Variants in AFAP1 observed in about 807,000 individuals in gnomAD.
The protein encoded by AFAP1 is actin filament associated protein 1, also known as actin filament-associated protein 1.
A neutral mutation model predicts 93.9 loss-of-function variants in AFAP1; 75 were observed. That is an observed-to-expected ratio of 0.80 (90% CI 0.66 to 0.97). The LOEUF (loss-of-function observed/expected upper bound fraction) is 0.97, where lower values mean the gene tolerates loss of function less well. AFAP1 is among the 50% of genes least tolerant of loss of function. The pLI, the probability that AFAP1 is intolerant of heterozygous loss-of-function variation, is 0.00. For synonymous variants in AFAP1, 517 were observed against 430.7 expected, an observed-to-expected ratio of 1.20 and a Z score of -2.48; for missense variants, 1,201 against 1,050.8, an observed-to-expected ratio of 1.14 and a Z score of -1.98.
At chr4:7,857,868 G>A (rs774523421) in intron 3 of AFAP1, among the ~76,000 whole-genome samples, 2 of 149,458 alleles carry the variant, frequency 1.3e-5, no homozygotes, top group Non-Finnish European at 2.9e-5. Context: ...CTGAATCGAT[G>A]GGGTTCTGAG....
intron 8 of AFAP1, among the ~76,000 whole-genome samples, chr4:7,815,680 G>C (rs187784907): frequency 1.3e-5 from 2 of 152,226 alleles, no homozygotes; most frequent in South Asian, 4.2e-4. Flanking sequence ...GCAACATGCC[G>C]GCTGCTCACC....
At chr4:7,916,264 C>T (rs1577357007) in intron 1 of AFAP1, among the ~76,000 whole-genome samples, 1 of 152,232 alleles carries the variant, frequency 6.6e-6, no homozygotes, top group South Asian at 2.1e-4. Flanking sequence ...ACAGGAGACA[C>T]ATACCCAAAT....
At position 7,912,770 on chromosome 4, in the gene AFAP1, C is replaced by T. The variant is rs6848677; in HGVS notation, c.-3+26886G>A. Among the ~76,000 whole-genome samples, 895 of 152,180 alleles carry T rather than the reference C, an allele frequency of 5.9e-3. 6 individuals are homozygous for T. The highest frequency in any genetic ancestry group is 0.019 in the African/African-American group (789 of 41,502). On this transcript the variant is annotated intron_variant, in intron 1 of 17. Coordinates refer to ENST00000420658, the MANE Select transcript of AFAP1 (RefSeq NM_001134647.2). Reference sequence around the variant, plus strand: ...TTGCATTTTACATTTTAGTCCATGACCCATTTTGAGTTAATTTTTGTATGA... The same window carrying T: ...TTGCATTTTACATTTTAGTCCATGATCCATTTTGAGTTAATTTTTGTATGA...
At chr4:7,790,070 C>T (rs1420090121) in intron 11 of AFAP1, among the ~76,000 whole-genome samples, 3 of 152,168 alleles carry the variant, frequency 2.0e-5, no homozygotes, top group Non-Finnish European at 4.4e-5. Context: ...GTACAATGCA[C>T]AAAGAATTCT....
chr4:7,924,462 T>C lies in AFAP1; in HGVS notation c.-3+15194A>G, dbSNP rs76101512. ...TCCCTAACGATGGACAGACAGGCAA[T>C]GGCGCCTAGGTACTATTGTTGAAGA... On this transcript the variant is annotated intron_variant, in intron 1 of 17. Coordinates refer to ENST00000420658, the MANE Select transcript of AFAP1 (RefSeq NM_001134647.2). Among the ~76,000 whole-genome samples the C allele has an allele frequency of 4.1e-4, 63 of 152,296 alleles. 1 individual carries two copies. In the East Asian group the frequency reaches 0.011, roughly 27 times the overall value.
intron 1 of AFAP1, among the ~76,000 whole-genome samples, chr4:7,898,677 T>A (rs1405248515): frequency 6.8e-6 from 1 of 147,272 alleles, no homozygotes; most frequent in African/African-American, 2.5e-5. Flanking sequence ...AAAAAAACAC[T>A]CTCTCCCTTT....
intron 1 of AFAP1, among the ~76,000 whole-genome samples, chr4:7,902,105 C>T (rs1719147022): frequency 6.6e-6 from 1 of 152,184 alleles, no homozygotes; most frequent in Non-Finnish European, 1.5e-5. Flanking sequence ...TGATTTCTAA[C>T]CAGTCAACAA....
At chr4:7,763,933 G>A (rs926169793) in intron 17 of AFAP1, 142 bp from the exon 18 acceptor site, 58 of 764,714 alleles carry the variant, frequency 7.6e-5, no homozygotes, top group East Asian at 2.4e-4. Flanking sequence ...CCAATGACCC[G>A]GCAATTCCAC....
At chr4:7,873,461 G>C (rs1050139115) in intron 1 of AFAP1, among the ~76,000 whole-genome samples, 1 of 133,056 alleles carries the variant, frequency 7.5e-6, no homozygotes, top group Non-Finnish European at 1.5e-5. Flanking sequence ...CCATTCTCCT[G>C]CCTCAGCCTC....
intron 1 of AFAP1, among the ~76,000 whole-genome samples, chr4:7,926,377 A>G (rs967163174): frequency 1.6e-4 from 24 of 152,318 alleles, no homozygotes; most frequent in African/African-American, 5.1e-4. Context: ...GGTACCTATG[A>G]GTCAAAATGA....
At chr4:7,779,461 T>C (rs986814724) in intron 13 of AFAP1, among the ~76,000 whole-genome samples, 7 of 152,170 alleles carry the variant, frequency 4.6e-5, no homozygotes, top group African/African-American at 1.7e-4. Flanking sequence ...AAAAGTGAAA[T>C]AGTACTCTAC....
chr4:7,794,897 T>C (rs1718246546), intron 10 of AFAP1, among the ~76,000 whole-genome samples: 1 of 152,202 alleles, frequency 6.6e-6, no homozygotes, highest in South Asian at 2.1e-4. Context: ...TTTAAAAATT[T>C]TGATTAATCA....
chr4:7,819,031 C>A, intron 7 of AFAP1, 45 bp downstream of exon 7: 1 of 1,482,312 alleles, frequency 6.7e-7, no homozygotes, highest in South Asian at 1.3e-5. Context: ...GACCCCAATC[C>A]ACTGCAAGGT....
intron 6 of AFAP1, among the ~76,000 whole-genome samples, chr4:7,827,337 T>C (rs1721513633): frequency 6.6e-6 from 1 of 151,940 alleles, no homozygotes; most frequent in Non-Finnish European, 1.5e-5. Flanking sequence ...TTTGGGAGGC[T>C]GAGGCAGGCG....
rs564143482 is a variant in AFAP1, at chr4:7,843,301, C to G, written c.384G>C (p.Glu128Asp). 11 of 1,614,008 alleles carry G rather than the reference C, an allele frequency of 6.8e-6. No homozygotes were observed. In the East Asian group the frequency reaches 2.0e-4, roughly 29 times the overall value. ...MSSSYESYDE[E>D]EEDGKGKKTR... Reference sequence around the variant, plus strand: ...TTTTCTTCCCCTTCCCATCCTCCTCCTCTTCATCATACGACTCATAAGAGC... The same window carrying G: ...TTTTCTTCCCCTTCCCATCCTCCTCGTCTTCATCATACGACTCATAAGAGC... The change falls in exon 5 of 18, where the codon GAG becomes GAC. Residue 128 changes from glutamate to aspartate, a missense_variant. Physicochemically the swap from Glu to Asp is conservative, Grantham distance 45. Coordinates refer to ENST00000420658, the MANE Select transcript of AFAP1 (RefSeq NM_001134647.2).
intron 6 of AFAP1, among the ~76,000 whole-genome samples, chr4:7,829,122 G>T (rs1022352733): frequency 2.6e-5 from 4 of 152,170 alleles, no homozygotes; most frequent in African/African-American, 4.8e-5. Context: ...TGCCAAGATT[G>T]TAAGTTTCCC....
chr4:7,905,135 C>A (rs1430616137), intron 1 of AFAP1, among the ~76,000 whole-genome samples: 1 of 152,214 alleles, frequency 6.6e-6, no homozygotes, highest in Non-Finnish European at 1.5e-5. Context: ...CCACCAAGCT[C>A]CTAGAAGTTG....
intron 6 of AFAP1, among the ~76,000 whole-genome samples, chr4:7,827,563 T>C (rs1282837893): frequency 1.1e-4 from 3 of 28,414 alleles, no homozygotes; most frequent in South Asian, 6.7e-4. Flanking sequence ...AGTGAAACTC[T>C]GTCTCCAAAA....
chr4:7,868,100 A>C (rs60118949), intron 3 of AFAP1, among the ~76,000 whole-genome samples: 14,575 of 151,696 alleles, frequency 0.096, 897 homozygotes, highest in African/African-American at 0.18. Flanking sequence ...AAAAAAAAAA[A>C]CAACAAATTT....
Sources: allele counts gnomAD v4.1 joint callset (sites outside exome capture counted in the v4.1 genomes callset), GRCh38; gene constraint gnomAD v4.1.1; transcripts MANE v1.5; gene names NCBI Gene and HGNC (gene_info 2026-07-23, HGNC 2026-07-21).